The following POLR1E variants were observed in gnomAD, a reference collection of about 807,000 sequenced individuals.
The protein encoded by POLR1E is RNA polymerase I subunit E.
In POLR1E, 37 loss-of-function variants were observed where a neutral mutation model predicts 50.9. The observed-to-expected ratio is 0.73, with a 90% CI of 0.56 to 0.96. The LOEUF (loss-of-function observed/expected upper bound fraction) is 0.96, where lower values mean the gene tolerates loss of function less well. POLR1E is among the 40% of genes least tolerant of loss of function. The pLI, the probability that POLR1E is intolerant of heterozygous loss-of-function variation, is 0.00. For missense variants in POLR1E, 426 were observed against 518.1 expected (o/e 0.82, Z 1.73); for synonymous variants, 166 against 191.6 (o/e 0.87, Z 1.10).
At chr9:37,495,639 G>T (rs1356315821) in intron 7 of POLR1E, among the ~76,000 whole-genome samples, 1 of 152,168 alleles carries the variant, frequency 6.6e-6, no homozygotes, top group Non-Finnish European at 1.5e-5. Flanking sequence ...CCACCCAAGG[G>T]GTCCGGTCAG....
rs1376534891 is a variant in POLR1E at position 37,503,415 on chromosome 9, G to A, written c.*213G>A. ...AACATAGGGAGACCCCATCTCTACCGGAGGAAAAAAAAAAGAGTCAGGCCT... is the reference window on the plus strand; with the variant it reads ...AACATAGGGAGACCCCATCTCTACCAGAGGAAAAAAAAAAGAGTCAGGCCT... On this transcript the variant is annotated 3_prime_UTR_variant, in exon 12 of 12. Coordinates refer to ENST00000377798, the MANE Select transcript of POLR1E (RefSeq NM_022490.4). The A allele has an allele frequency of 1.8e-5, 8 of 432,816 alleles. No homozygotes were observed. The highest frequency in any genetic ancestry group is 1.3e-4 in the Admixed American group (3 of 22,830). The allele number at this position is 432,816 out of a possible 1,614,324, so 26.8% of individuals were successfully genotyped here.
At chr9:37,498,769 C>A (rs1349424453) in intron 9 of POLR1E, among the ~76,000 whole-genome samples, 1 of 152,142 alleles carries the variant, frequency 6.6e-6, no homozygotes, top group Non-Finnish European at 1.5e-5. Flanking sequence ...AGTTGGAAAC[C>A]CAGAAGATGT....
intron 5 of POLR1E, 79 bp from the exon 6 acceptor site, chr9:37,493,480 G>A: frequency 2.3e-6 from 3 of 1,282,230 alleles, no homozygotes; most frequent in Non-Finnish European, 3.2e-6. Context: ...GATGCTGAGA[G>A]TATCCCCATA....
chr9:37,492,048 T>C (rs1244839147), intron 4 of POLR1E, among the ~76,000 whole-genome samples: 2 of 152,188 alleles, frequency 1.3e-5, no homozygotes, highest in Non-Finnish European at 2.9e-5. Context: ...CTAAGCACTT[T>C]CCATGCATAT....
Position 37,501,834 on chromosome 9 carries a change from A to C in POLR1E, c.1090A>C (p.Ser364Arg), listed in dbSNP as rs1351506169. 6.2e-7 allele frequency: 1 copy of C among 1,613,520 alleles called. No individual in the cohort carries two copies. The highest frequency in any genetic ancestry group is 8.5e-7 in the Non-Finnish European group (1 of 1,179,906). ...LTVLQRDLKL[S>R]EKRMMEIAKA... ...AGTGTTACAGAGGGACTTGAAGCTC[A>C]GTGAGAAAAGGTGAGCACAACAGAA... Residue 364 changes from serine (S) to arginine (R), a missense_variant, in exon 11 of 12, where the codon AGT becomes CGT. Ser to Arg is a moderately radical substitution (Grantham distance 110). Coordinates refer to ENST00000377798, the MANE Select transcript of POLR1E (RefSeq NM_022490.4).
chr9:37,487,338 A>G (rs1374143650), intron 2 of POLR1E, among the ~76,000 whole-genome samples: 1 of 152,222 alleles, frequency 6.6e-6, no homozygotes, highest in African/African-American at 2.4e-5. Flanking sequence ...CTCTGCCAGA[A>G]TGCCTTCCTT....
chr9:37,486,152 C>A lies in POLR1E; in HGVS notation c.76+29C>A, dbSNP rs373709196. On this transcript the variant is annotated intron_variant, in intron 1 of 11. Transcript: ENST00000377798. ...AAGACTGCGGAGCTGGAGCAGTGCT[C>A]CTCTAACCCTCTCCCCTTCCGTCTC... is the stretch of plus-strand genomic sequence containing the variant. The A allele has an allele frequency of 3.2e-6, 5 of 1,559,062 alleles. No individual in the cohort carries two copies. The Admixed American group carries it at 1.0e-4, about 31-fold the overall frequency.
At chr9:37,499,510 T>C (rs1588806436) in intron 9 of POLR1E, among the ~76,000 whole-genome samples, 1 of 150,246 alleles carries the variant, frequency 6.7e-6, no homozygotes, top group East Asian at 2.0e-4. Flanking sequence ...GTCATGCTTT[T>C]TTTGTTGTTT....
intron 9 of POLR1E, among the ~76,000 whole-genome samples, chr9:37,498,656 T>G (rs1191725244): frequency 6.6e-6 from 1 of 152,202 alleles, no homozygotes; most frequent in East Asian, 1.9e-4. Flanking sequence ...GGCAGGTTTG[T>G]GTTGTGTCAG....
At chr9:37,497,791 G>T (rs138385831) in intron 8 of POLR1E, among the ~76,000 whole-genome samples, 8 of 152,206 alleles carry the variant, frequency 5.3e-5, no homozygotes, top group Admixed American at 3.3e-4. Context: ...CTGAGACAGG[G>T]TCTTGCTCTG....
chr9:37,493,520 C>T (rs980266066), intron 5 of POLR1E, 39 bp from the exon 6 acceptor site: 1 of 1,513,882 alleles, frequency 6.6e-7, no homozygotes, highest in African/African-American at 1.4e-5. Flanking sequence ...CAGCACCTAC[C>T]TGTCCTGTCC....
At chr9:37,489,249 A>AT in intron 3 of POLR1E, 66 bp from the exon 4 acceptor site, 1 of 1,300,038 alleles carries the variant, frequency 7.7e-7, no homozygotes, top group Non-Finnish European at 1.1e-6. Flanking sequence ...AAAAAAAAAA[A>AT]GAAAGCTGTA....
At chr9:37,501,595 T>G in intron 10 of POLR1E, 118 bp from the exon 11 acceptor site, 1 of 1,288,364 alleles carries the variant, frequency 7.8e-7, no homozygotes. Context: ...TTTCCTTTCC[T>G]GAAGTTGGGA....
rs754446218 is a variant in POLR1E at position 37,501,730 on chromosome 9, C to T, written c.986C>T (p.Ser329Leu). The change falls in exon 11 of 12, where the codon TCG becomes TTG. Residue 329 changes from serine (S) to leucine (L), a missense_variant. Ser to Leu is a moderately radical substitution (Grantham distance 145). Coordinates refer to ENST00000377798, the MANE Select transcript of POLR1E (RefSeq NM_022490.4). Reference protein sequence around the residue: ...YNNGRLRNLISDSMKAKITAY... With the variant: ...YNNGRLRNLILDSMKAKITAY... ...TTTTCTAGATTACGGAACTTAATTT[C>T]GGATTCTATGAAGGCGAAGATTACT... 13 of 1,609,050 alleles carry T rather than the reference C, an allele frequency of 8.1e-6. No individual in the cohort carries two copies. Among genetic ancestry groups the T allele is most frequent in the Non-Finnish European group, 9.3e-6 (11 of 1,178,824 alleles).
chr9:37,496,174 G>T (rs1224586145), intron 8 of POLR1E, among the ~76,000 whole-genome samples, 188 bp downstream of exon 8: 1 of 152,152 alleles, frequency 6.6e-6, no homozygotes, highest in Non-Finnish European at 1.5e-5. Context: ...GAGGGAGAGG[G>T]CTGGTCTCTG....
At chr9:37,486,609 C>T (rs771924742) in intron 1 of POLR1E, 94 bp from the exon 2 acceptor site, 4 of 1,614,008 alleles carry the variant, frequency 2.5e-6, no homozygotes, top group Non-Finnish European at 3.4e-6. Flanking sequence ...CATTCTGACA[C>T]TCCCTCCCAG....
chr9:37,492,345 T>C (rs551205416), intron 4 of POLR1E: 7 of 1,293,404 alleles, frequency 5.4e-6, no homozygotes, highest in Middle Eastern at 4.1e-4. Context: ...TCTAATCCTG[T>C]CTCTGCCACT....
chr9:37,499,618 A>C (rs112521116), intron 9 of POLR1E, among the ~76,000 whole-genome samples: 1 of 151,722 alleles, frequency 6.6e-6, no homozygotes, highest in Non-Finnish European at 1.5e-5. Flanking sequence ...TACAACCTCC[A>C]TCTCCTGGGT....
Position 37,486,413 on chromosome 9 carries a change from G to T in POLR1E, c.76+290G>T, listed in dbSNP as rs760227574. The stretch of plus-strand genomic sequence containing the variant: ...CTCCCCCATTTCCCTCTCTTCACTG[G>T]GCAGGGGTTCCTTCTGTCACTTTAG... On this transcript the variant is annotated intron_variant, in intron 1 of 11. Coordinates refer to ENST00000377798, the MANE Select transcript of POLR1E (RefSeq NM_022490.4). 450 of 1,526,194 alleles carry T rather than the reference G, an allele frequency of 2.9e-4. 1 individual carries two copies. Among genetic ancestry groups the T allele is most frequent in the Middle Eastern group, 1.9e-3 (11 of 5,852 alleles). The allele number at this position is 1,526,194 out of a possible 1,614,324, so 94.5% of individuals were successfully genotyped here.
Sources: allele counts gnomAD v4.1 joint callset (sites outside exome capture counted in the v4.1 genomes callset), GRCh38; gene constraint gnomAD v4.1.1; transcripts MANE v1.5; gene names NCBI Gene and HGNC (gene_info 2026-07-23, HGNC 2026-07-21).